ARB2A: variants seen among roughly 807,000 people sequenced by gnomAD.
ARB2A encodes the protein cotranscriptional regulator ARB2A.
At chr5:93,630,114 C>T in the ARB2A span, among the ~76,000 whole-genome samples, 1 of 152,214 alleles carries the variant, frequency 6.6e-6, no homozygotes, top group Admixed American at 6.5e-5. Context: ...AATATAACTA[C>T]TAAAATTCAT....
At chr5:93,830,009 T>C in the ARB2A span, among the ~76,000 whole-genome samples, 2 of 152,010 alleles carry the variant, frequency 1.3e-5, no homozygotes, top group Admixed American at 1.3e-4. Flanking sequence ...ATATCTGGAG[T>C]GACTATACAA....
At chr5:94,000,629 GT>G in the ARB2A span, among the ~76,000 whole-genome samples, 4 of 151,846 alleles carry the variant, frequency 2.6e-5, no homozygotes, top group African/African-American at 9.7e-5. Flanking sequence ...TCTTAACATT[GT>G]TTTTTGTAAA....
the ARB2A span, among the ~76,000 whole-genome samples, chr5:93,950,806 T>C: frequency 6.6e-6 from 1 of 151,660 alleles, no homozygotes; most frequent in African/African-American, 2.4e-5. Context: ...TAGCCCAGCA[T>C]GGTGGTGCAT....
the ARB2A span, among the ~76,000 whole-genome samples, chr5:93,649,206 T>C: frequency 6.6e-6 from 1 of 152,158 alleles, no homozygotes; most frequent in African/African-American, 2.4e-5. Flanking sequence ...TCACAACAAA[T>C]GCATTTTTAA....
the ARB2A span, among the ~76,000 whole-genome samples, chr5:93,815,288 T>C: frequency 1.3e-5 from 2 of 152,286 alleles, no homozygotes; most frequent in South Asian, 4.2e-4. Flanking sequence ...GTTAAAAATC[T>C]CCAACTCTGA....
the ARB2A span, among the ~76,000 whole-genome samples, chr5:93,936,321 G>A: frequency 6.6e-6 from 1 of 152,126 alleles, no homozygotes; most frequent in Non-Finnish European, 1.5e-5. Flanking sequence ...AGAATACAGA[G>A]TGAGAGATTA....
the ARB2A span, among the ~76,000 whole-genome samples, chr5:93,852,552 TGCCTAG>T: frequency 1.3e-5 from 2 of 152,184 alleles, no homozygotes; most frequent in Admixed American, 6.5e-5. Context: ...TGAATGGTAA[TGCCTAG>T]GTTTTCTTCT....
chr5:93,956,334 AT>A, the ARB2A span, among the ~76,000 whole-genome samples: 1 of 152,312 alleles, frequency 6.6e-6, no homozygotes, highest in Non-Finnish European at 1.5e-5. Context: ...GGCTTCACAT[AT>A]TTAAACTTAA....
the ARB2A span, among the ~76,000 whole-genome samples, chr5:94,059,581 A>G: frequency 7.8e-6 from 1 of 127,850 alleles, no homozygotes; most frequent in Non-Finnish European, 1.6e-5. Context: ...AGATCACACC[A>G]TTGCACTCCA....
chr5:93,707,138 A>C, the ARB2A span, among the ~76,000 whole-genome samples: 1 of 152,148 alleles, frequency 6.6e-6, no homozygotes, highest in Non-Finnish European at 1.5e-5. Flanking sequence ...GGGAAAATAA[A>C]CTTTCTTTGC....
At chr5:93,640,574 ATGTGTGTG>A in the ARB2A span, among the ~76,000 whole-genome samples, 3 of 143,562 alleles carry the variant, frequency 2.1e-5, no homozygotes, top group Non-Finnish European at 4.6e-5. Context: ...GTGTGTGTGT[ATGTGTGTG>A]TGTGTGTGTG....
chr5:93,832,247 C>G, the ARB2A span, among the ~76,000 whole-genome samples: 1 of 152,056 alleles, frequency 6.6e-6, no homozygotes, highest in Non-Finnish European at 1.5e-5. Context: ...TGAGCAGATG[C>G]AGGAGTTATC....
the ARB2A span, among the ~76,000 whole-genome samples, chr5:93,883,232 A>C: frequency 5.0e-3 from 755 of 151,662 alleles, 5 homozygotes; most frequent in African/African-American, 0.018. Context: ...ATTAAGATAC[A>C]GTCATCTTAC....
the ARB2A span, among the ~76,000 whole-genome samples, chr5:94,103,042 C>T: frequency 2.0e-5 from 3 of 152,038 alleles, no homozygotes; most frequent in Middle Eastern, 3.4e-3. Flanking sequence ...ATTGAAAGGC[C>T]ATTACTGGCC....
At chr5:93,924,301 T>C in the ARB2A span, among the ~76,000 whole-genome samples, 3 of 152,332 alleles carry the variant, frequency 2.0e-5, no homozygotes, top group South Asian at 4.1e-4. Flanking sequence ...GCATGTTTCA[T>C]ACAGAAACTG....
the ARB2A span, among the ~76,000 whole-genome samples, chr5:94,098,646 G>A: frequency 6.6e-6 from 1 of 151,562 alleles, no homozygotes; most frequent in African/African-American, 2.4e-5. Context: ...CTGAACTGAA[G>A]GAAATCAAAA....
chr5:94,079,203 ATTTACATTCC>A, the ARB2A span, among the ~76,000 whole-genome samples: 9 of 152,334 alleles, frequency 5.9e-5, no homozygotes, highest in East Asian at 1.3e-3. Context: ...ATTTCATTAT[ATTTACATTCC>A]TTTACATTCC....
chr5:94,052,043 ACTC>A, the ARB2A span, among the ~76,000 whole-genome samples: 4 of 150,988 alleles, frequency 2.6e-5, no homozygotes, highest in African/African-American at 7.3e-5. Context: ...CTGGTCTTGA[ACTC>A]CTGACCACAA....
chr5:93,806,407 T>C, the ARB2A span, among the ~76,000 whole-genome samples: 1 of 151,956 alleles, frequency 6.6e-6, no homozygotes, highest in African/African-American at 2.4e-5. Context: ...ATTCTAAGTT[T>C]AGATCACTCA....
Sources: allele counts gnomAD v4.1 joint callset (sites outside exome capture counted in the v4.1 genomes callset), GRCh38; gene constraint gnomAD v4.1.1; transcripts MANE v1.5; gene names NCBI Gene and HGNC (gene_info 2026-07-23, HGNC 2026-07-21).